Variants in ITPKB observed in about 807,000 individuals in gnomAD.
ITPKB encodes inositol-trisphosphate 3-kinase B, also known as IP3 3-kinase B.
ITPKB carries 13 observed loss-of-function variants against 69.4 expected under a neutral mutation model. The observed-to-expected ratio is 0.19, with a 90% CI of 0.12 to 0.30. The LOEUF (loss-of-function observed/expected upper bound fraction) is 0.30, where lower values mean the gene tolerates loss of function less well. ITPKB is among the 10% of genes least tolerant of loss of function. The pLI is 1.00. For synonymous variants in ITPKB, 584 were observed against 513.7 expected (o/e 1.14, Z -1.85); for missense variants, 1,240 against 1,250.5 (o/e 0.99, Z 0.13).
chr1:226,720,998 T>C (rs1455769980), intron 2 of ITPKB, among the ~76,000 whole-genome samples: 1 of 142,412 alleles, frequency 7.0e-6, no homozygotes, highest in Non-Finnish European at 1.5e-5. Context: ...GCTGAGATCA[T>C]GCCAGTGCAC....
chr1:226,635,380 C>T (rs948789828), intron 7 of ITPKB, among the ~76,000 whole-genome samples: 1 of 152,046 alleles, frequency 6.6e-6, no homozygotes, highest in Non-Finnish European at 1.5e-5. Context: ...ACCACGATGC[C>T]CGGCTAACTT....
Position 226,633,696 on chromosome 1 carries a change from C to G in ITPKB, c.*975G>C, listed in dbSNP as rs147384105. 6.6e-6 allele frequency: 1 copy of G among 152,256 alleles called. No individual in the cohort carries two copies. The highest frequency in any genetic ancestry group is 2.4e-5 in the African/African-American group (1 of 41,472). The allele number at this position is 152,256 out of a possible 1,614,324, so 9.4% of individuals were successfully genotyped here. On this transcript the variant is annotated 3_prime_UTR_variant, in exon 8 of 8. Transcript: ENST00000429204. Reference sequence around the variant, plus strand: ...AGAAGCCTGCCTTCTTCCTGCCTGGCGCAGACCTGAGCTCCTCCCCTATTT... The same window carrying G: ...AGAAGCCTGCCTTCTTCCTGCCTGGGGCAGACCTGAGCTCCTCCCCTATTT...
At chr1:226,704,246 C>T (rs1393627577) in intron 2 of ITPKB, among the ~76,000 whole-genome samples, 2 of 152,266 alleles carry the variant, frequency 1.3e-5, no homozygotes, top group South Asian at 2.1e-4. Context: ...AAATGTTTAG[C>T]ATGCCGTAAA....
chr1:226,647,088 A>G (rs1669077501), intron 4 of ITPKB, 79 bp downstream of exon 4: 2 of 1,327,000 alleles, frequency 1.5e-6, no homozygotes, highest in East Asian at 4.7e-5. Context: ...GCCTCCGGGA[A>G]GCCCTGAGTG....
At chr1:226,683,907 A>G (rs2102775805) in intron 2 of ITPKB, among the ~76,000 whole-genome samples, 1 of 152,310 alleles carries the variant, frequency 6.6e-6, no homozygotes, top group Middle Eastern at 3.4e-3. Context: ...AGGTACCTTC[A>G]TTACAAAGAG....
chr1:226,633,419 T>C lies in ITPKB; in HGVS notation c.*1252A>G, dbSNP rs1464817243. 1 of 152,118 alleles carries C rather than the reference T, an allele frequency of 6.6e-6. No individual in the cohort carries two copies. Among genetic ancestry groups the C allele is most frequent in the East Asian group, 1.9e-4 (1 of 5,182 alleles). 9.4% of individuals were successfully genotyped at this position (152,118 alleles called of 1,614,324 possible). On this transcript the variant is annotated 3_prime_UTR_variant, in exon 8 of 8. Coordinates refer to ENST00000429204, the MANE Select transcript of ITPKB (RefSeq NM_002221.4). ...TTTTGTTCTTAAGAAGTCAGGCAAA[T>C]TTTACATTCCCTTCCATATCAGACT... is the stretch of plus-strand genomic sequence containing the variant.
chr1:226,660,824 A>T (rs1324913770), intron 2 of ITPKB, among the ~76,000 whole-genome samples: 1 of 152,188 alleles, frequency 6.6e-6, no homozygotes, highest in East Asian at 1.9e-4. Context: ...CTAATGGATA[A>T]AGCCCAGAGG....
At chr1:226,687,845 A>G (rs978674056) in intron 2 of ITPKB, among the ~76,000 whole-genome samples, 1 of 152,174 alleles carries the variant, frequency 6.6e-6, no homozygotes, top group Non-Finnish European at 1.5e-5. Flanking sequence ...GATGGAGGTA[A>G]AAAGATTAAA....
rs1332400130 is a variant in ITPKB at position 226,738,155 on chromosome 1, C to T, written c.-205-492G>A. 2.6e-5 allele frequency among the ~76,000 whole-genome samples: 4 copies of T among 152,130 alleles called. No homozygotes were observed. The South Asian group carries it at 6.2e-4, about 24-fold the overall frequency. Reference sequence around the variant, plus strand: ...TCCACCCTCTCGGGGCATCAGAGACCGACCGGCTCGGAGGGAACCTAAGCG... The same window carrying T: ...TCCACCCTCTCGGGGCATCAGAGACTGACCGGCTCGGAGGGAACCTAAGCG... On this transcript the variant is annotated intron_variant, in intron 1 of 7. Coordinates refer to ENST00000429204, the MANE Select transcript of ITPKB (RefSeq NM_002221.4). The surrounding 1 kb of genome is among the most constrained non-coding windows in gnomAD (Gnocchi z 4.2).
At chr1:226,678,922 C>T (rs1655991990) in intron 2 of ITPKB, among the ~76,000 whole-genome samples, 1 of 152,208 alleles carries the variant, frequency 6.6e-6, no homozygotes, top group South Asian at 2.1e-4. Context: ...GAAAGAGGGG[C>T]ATCTCAGGGA....
intron 2 of ITPKB, among the ~76,000 whole-genome samples, chr1:226,661,006 A>C (rs1669393764): frequency 6.6e-6 from 1 of 152,238 alleles, no homozygotes; most frequent in South Asian, 2.1e-4. Flanking sequence ...CAAGTTACAG[A>C]GGGTGGAAAT....
At position 226,737,625 on chromosome 1, in the gene ITPKB, G is replaced by A; in HGVS notation, c.-167C>T. On this transcript the variant is annotated 5_prime_UTR_variant, in exon 2 of 8. Transcript: ENST00000429204. ...CAGCGGGCTGGGGGCACGACCGCGG[G>A]CTCAGCCCCCGCCCAAAGCTCCATA... is the stretch of plus-strand genomic sequence containing the variant. 1 of 1,126,850 alleles carries A rather than the reference G, an allele frequency of 8.9e-7. No homozygotes were observed. The highest frequency in any genetic ancestry group is 5.0e-5 in the East Asian group (1 of 20,190). The allele number at this position is 1,126,850 out of a possible 1,614,324, so 69.8% of individuals were successfully genotyped here.
Position 226,634,977 on chromosome 1 carries a change from C to T in ITPKB, c.2626-91G>A. 1 of 951,026 alleles carries T rather than the reference C, an allele frequency of 1.1e-6. No homozygotes were observed. Among genetic ancestry groups the T allele is most frequent in the Non-Finnish European group, 1.6e-6 (1 of 625,936 alleles). The allele number at this position is 951,026 out of a possible 1,614,324, so 58.9% of individuals were successfully genotyped here. A position where few individuals can be genotyped will look rare whatever the true frequency, so the allele number is the denominator to read the frequency against. ...GGGCCTGGGTGACCAGGTGGGGAGG[C>T]TCGCTCAGGCCGGACAGTTGGGTGC... On this transcript the variant is annotated intron_variant, in intron 7 of 7. Coordinates refer to ENST00000429204, the MANE Select transcript of ITPKB (RefSeq NM_002221.4). The surrounding 1 kb of genome is among the most constrained non-coding windows in gnomAD (Gnocchi z 6.3).
chr1:226,679,724 G>A (rs1442738722), intron 2 of ITPKB, among the ~76,000 whole-genome samples: 1 of 152,216 alleles, frequency 6.6e-6, no homozygotes, highest in Non-Finnish European at 1.5e-5. Flanking sequence ...GTGACTACGG[G>A]TGATTTTCAT....
chr1:226,729,949 CAT>C (rs1309703925), intron 2 of ITPKB, among the ~76,000 whole-genome samples: 1 of 152,052 alleles, frequency 6.6e-6, no homozygotes, highest in African/African-American at 2.4e-5. Flanking sequence ...CTAATGAGAT[CAT>C]ATATATTTAT....
Position 226,634,112 on chromosome 1 carries a change from TGCTA to T in ITPKB, c.*555_*558del, listed in dbSNP as rs1444232939. ...GAGGCCACCAGGGCATCCCTGAGGC[TGCTA>T]ATCGGAAGACACTTTGCTCACAGTC... is the stretch of plus-strand genomic sequence containing the variant. On this transcript the variant is annotated 3_prime_UTR_variant, in exon 8 of 8. Coordinates refer to ENST00000429204, the MANE Select transcript of ITPKB (RefSeq NM_002221.4). This position sits in a 1 kb window ranked among gnomAD's most constrained non-coding sequence, Gnocchi z 6.3. 6.5e-6 allele frequency: 1 copy of T among 154,726 alleles called. No individual in the cohort carries two copies. The highest frequency in any genetic ancestry group is 1.4e-5 in the Non-Finnish European group (1 of 69,558). The allele number at this position is 154,726 out of a possible 1,614,324, so 9.6% of individuals were successfully genotyped here. A position where few individuals can be genotyped will look rare whatever the true frequency, so the allele number is the denominator to read the frequency against.
chr1:226,665,197 G>A (rs569705078), intron 2 of ITPKB, among the ~76,000 whole-genome samples: 1 of 152,334 alleles, frequency 6.6e-6, no homozygotes, highest in Admixed American at 6.5e-5. Context: ...CACTTAAGAT[G>A]GGACCTTCTC....
chr1:226,699,092 C>A (rs1193758613), intron 2 of ITPKB, among the ~76,000 whole-genome samples: 1 of 152,224 alleles, frequency 6.6e-6, no homozygotes, highest in Non-Finnish European at 1.5e-5. Context: ...AAGGAAGCAG[C>A]CCTGGCTTTC....
At chr1:226,725,846 C>T (rs1657396037) in intron 2 of ITPKB, among the ~76,000 whole-genome samples, 1 of 152,218 alleles carries the variant, frequency 6.6e-6, no homozygotes, top group Non-Finnish European at 1.5e-5. Flanking sequence ...TCCAGAATAT[C>T]TCCTCATCCC....
Sources: allele counts gnomAD v4.1 joint callset (sites outside exome capture counted in the v4.1 genomes callset), GRCh38; gene constraint gnomAD v4.1.1; non-coding constraint Gnocchi (gnomAD v3.1); transcripts MANE v1.5; gene names NCBI Gene and HGNC (gene_info 2026-07-23, HGNC 2026-07-21).